The following VPS13B variants were observed in gnomAD, a reference collection of about 807,000 sequenced individuals.
VPS13B encodes the protein vacuolar protein sorting 13 homolog B.
A neutral mutation model predicts 426.4 loss-of-function variants in VPS13B; 285 were observed. That is an observed-to-expected ratio of 0.67 (90% CI 0.61 to 0.74). The LOEUF is 0.74. Ranked by LOEUF, VPS13B falls within the 30% of genes least tolerant of loss-of-function variation. The probability of loss-of-function intolerance (pLI) is 0.00; values close to 1 mark genes in which losing one functional copy is unlikely to be tolerated. For missense variants in VPS13B, 4,537 were observed against 4,782.6 expected, an observed-to-expected ratio of 0.95 and a Z score of 1.51; for synonymous variants, 1,676 against 1,676.4, an observed-to-expected ratio of 1.00 and a Z score of 0.01.
chr8:99,712,498 G>A (rs531378449), intron 36 of VPS13B, among the ~76,000 whole-genome samples: 7 of 152,236 alleles, frequency 4.6e-5, no homozygotes, highest in Admixed American at 6.5e-5. Context: ...ATTGGATTCC[G>A]TTGTCACCAG....
chr8:99,236,923 C>T (rs1305650196), intron 17 of VPS13B, among the ~76,000 whole-genome samples: 1 of 152,192 alleles, frequency 6.6e-6, no homozygotes, highest in African/African-American at 2.4e-5. Flanking sequence ...GTGTCCCCAC[C>T]CAGATCTCAT....
chr8:99,792,287 T>G (rs548752776), intron 43 of VPS13B, among the ~76,000 whole-genome samples: 190 of 151,610 alleles, frequency 1.3e-3, no homozygotes, highest in African/African-American at 4.3e-3. Flanking sequence ...GAAAAAAAAA[T>G]GTTAACTCAA....
chr8:99,492,876 A>T (rs1820689995), intron 25 of VPS13B, among the ~76,000 whole-genome samples: 1 of 151,870 alleles, frequency 6.6e-6, no homozygotes, highest in Non-Finnish European at 1.5e-5. Flanking sequence ...GGCTGCACCC[A>T]CTCTCCAACC....
In VPS13B at chr8:99,391,449, C is replaced by A. The variant is rs941343808; in HGVS notation, c.2935-108C>A. On this transcript the variant is annotated intron_variant, in intron 20 of 61. Coordinates refer to ENST00000357162, the MANE Select transcript of VPS13B (RefSeq NM_152564.5). ...TTGATTTACAATAATGAAGTCTCAG[C>A]CCCAACTTGTGAAGGACTGTCCTCA... 1.2e-5 allele frequency: 18 copies of A among 1,552,814 alleles called. No individual in the cohort carries two copies. In the East Asian group the frequency reaches 4.1e-4, roughly 36 times the overall value.
intron 39 of VPS13B, among the ~76,000 whole-genome samples, chr8:99,734,740 A>G (rs1158935346): frequency 6.6e-6 from 1 of 152,238 alleles, no homozygotes; most frequent in Non-Finnish European, 1.5e-5. Flanking sequence ...AGAGCACATT[A>G]TAATTACTCA....
intron 17 of VPS13B, among the ~76,000 whole-genome samples, chr8:99,194,521 G>A (rs1468072734): frequency 6.6e-6 from 1 of 152,176 alleles, no homozygotes; most frequent in African/African-American, 2.4e-5. Context: ...ATTTAAGTGA[G>A]ATCCTGCAGT....
intron 52 of VPS13B, among the ~76,000 whole-genome samples, 177 bp from the exon 53 acceptor site, chr8:99,835,020 C>T (rs751081257): frequency 2.0e-5 from 3 of 152,166 alleles, no homozygotes; most frequent in Non-Finnish European, 2.9e-5. Flanking sequence ...AATATTTTTT[C>T]ACATTTTATG....
chr8:99,049,644 C>T (rs1195124306), intron 3 of VPS13B, among the ~76,000 whole-genome samples: 3 of 151,846 alleles, frequency 2.0e-5, no homozygotes, highest in African/African-American at 7.3e-5. Flanking sequence ...TGACAGTGTG[C>T]CTAGGCGATG....
At chr8:99,266,133 A>G (rs1818284136) in intron 17 of VPS13B, among the ~76,000 whole-genome samples, 2 of 152,160 alleles carry the variant, frequency 1.3e-5, no homozygotes, top group Admixed American at 1.3e-4. Flanking sequence ...TGACTACTGA[A>G]CACTAGAAAG....
At chr8:99,735,617 T>C (rs1833791439) in intron 39 of VPS13B, among the ~76,000 whole-genome samples, 1 of 152,166 alleles carries the variant, frequency 6.6e-6, no homozygotes, top group Non-Finnish European at 1.5e-5. Flanking sequence ...TTCAGACTTC[T>C]AAACTCCAGA....
rs899873493 is a variant in VPS13B, at chr8:99,868,404, C to T, written c.11331C>T (p.Ile3777=). The part of the protein sequence containing the change: ...KGVISGVGKG[I]MGVFTKPIGG... ...TCATCTCGGGTGTGGGGAAAGGAAT[C>T]ATGGGGGTGTTCACAAAGCCCATCG... Residue 3777 remains isoleucine, a synonymous_variant, in exon 59 of 62, where the codon ATC becomes ATT. Transcript: ENST00000357162. 6.2e-7 allele frequency: 1 copy of T among 1,614,082 alleles called. No homozygotes were observed. The highest frequency in any genetic ancestry group is 8.5e-7 in the Non-Finnish European group (1 of 1,180,018).
chr8:99,508,109 A>C (rs1395996344), intron 28 of VPS13B, among the ~76,000 whole-genome samples: 1 of 152,210 alleles, frequency 6.6e-6, no homozygotes, highest in Non-Finnish European at 1.5e-5. Context: ...GCATGAGTAC[A>C]GACTAATTTT....
At chr8:99,105,071 T>C (rs1160628810) in intron 5 of VPS13B, among the ~76,000 whole-genome samples, 1 of 152,220 alleles carries the variant, frequency 6.6e-6, no homozygotes, top group Non-Finnish European at 1.5e-5. Flanking sequence ...GATTAAGGCA[T>C]ACAACTAGGA....
intron 35 of VPS13B, among the ~76,000 whole-genome samples, chr8:99,673,799 GAAACA>G (rs746536943): frequency 0.14 from 20,672 of 151,930 alleles, 1,957 homozygotes; most frequent in East Asian, 0.38. Context: ...TAGGTATATG[GAAACA>G]CCATTTCATT....
At position 99,835,339 on chromosome 8, in the gene VPS13B, A is replaced by G. The variant is rs780396264; in HGVS notation, c.9742+15A>G. 1.9e-6 allele frequency: 3 copies of G among 1,605,610 alleles called. No homozygotes were observed. Among genetic ancestry groups the G allele is most frequent in the South Asian group, 2.2e-5 (2 of 90,816 alleles). ...AAACATTAAAGGTATGTTTTATACTATCGAATTTAGATAATACTAAATGTG... is the reference window on the plus strand; with the variant it reads ...AAACATTAAAGGTATGTTTTATACTGTCGAATTTAGATAATACTAAATGTG... On this transcript the variant is annotated intron_variant, in intron 53 of 61. Transcript: ENST00000357162.
intron 8 of VPS13B, among the ~76,000 whole-genome samples, chr8:99,129,044 G>C (rs985426711): frequency 1.8e-4 from 27 of 152,010 alleles, no homozygotes; most frequent in Admixed American, 1.3e-3. Context: ...TTTCTAATAT[G>C]ACAAAAGTTG....
intron 19 of VPS13B, among the ~76,000 whole-genome samples, chr8:99,367,933 C>T (rs557733397): frequency 6.6e-6 from 1 of 152,264 alleles, no homozygotes; most frequent in South Asian, 2.1e-4. Context: ...GGATTACAGG[C>T]GTGAGCCACC....
Position 99,064,402 on chromosome 8 carries a change from G to A in VPS13B, c.291+25836G>A, listed in dbSNP as rs148068020. On this transcript the variant is annotated intron_variant, in intron 3 of 61. Transcript: ENST00000357162. ...GGCTAACTAGAATAAACAGTATAGAGAAGACCTTAAATGACCTGATGGAGC... is the reference window on the plus strand; with the variant it reads ...GGCTAACTAGAATAAACAGTATAGAAAAGACCTTAAATGACCTGATGGAGC... Among the ~76,000 whole-genome samples the A allele has an allele frequency of 6.1e-3, 936 of 152,296 alleles. 13 individuals are homozygous for A. The highest frequency in any genetic ancestry group is 0.02 in the African/African-American group (851 of 41,564).
At chr8:99,588,798 C>T (rs1490463318) in intron 33 of VPS13B, among the ~76,000 whole-genome samples, 5 of 151,682 alleles carry the variant, frequency 3.3e-5, no homozygotes. Context: ...GATTGAATGC[C>T]CTTTATTTCT....
Sources: gnomAD v4.1 joint callset for allele counts (sites outside exome capture counted in the v4.1 genomes callset) on GRCh38, gnomAD v4.1.1 for gene constraint, MANE v1.5 for transcripts, NCBI Gene and HGNC (gene_info 2026-07-23, HGNC 2026-07-21) for gene names.